Variants in MROH1 observed in about 807,000 individuals in gnomAD.
MROH1 encodes the protein maestro heat-like repeat-containing protein family member 1.
In MROH1, 117 loss-of-function variants were observed where a neutral mutation model predicts 116.5. That is an observed-to-expected ratio of 1.00 (90% CI 0.86 to 1.17). The LOEUF is 1.17. Ranked by LOEUF, MROH1 falls within the 50% of genes most tolerant of loss-of-function variation. The pLI is 0.00. For synonymous variants in MROH1, 921 were observed against 583.9 expected (o/e 1.58, Z -8.32); for missense variants, 1,873 against 1,338.5 (o/e 1.40, Z -6.23).
chr8:144,241,621 C>G, intron 22 of MROH1, 104 bp downstream of exon 22: 1 of 762,416 alleles, frequency 1.3e-6, no homozygotes, highest in Non-Finnish European at 2.4e-6. Context: ...CTGGTTGCGT[C>G]CCTGGACCAA....
intron 12 of MROH1, among the ~76,000 whole-genome samples, chr8:144,215,554 A>G (rs968809466): frequency 6.6e-6 from 1 of 152,222 alleles, no homozygotes; most frequent in Non-Finnish European, 1.5e-5. Flanking sequence ...CCTCAGCTGC[A>G]TCTGAGGTTT....
chr8:144,172,162 G>A (rs1822604401), intron 4 of MROH1, among the ~76,000 whole-genome samples: 1 of 152,162 alleles, frequency 6.6e-6, no homozygotes, highest in Non-Finnish European at 1.5e-5. Flanking sequence ...ACCATATTTT[G>A]TGGAGGAAAA....
chr8:144,203,484 A>G (rs1295882262), intron 12 of MROH1, among the ~76,000 whole-genome samples: 1 of 139,334 alleles, frequency 7.2e-6, no homozygotes, highest in Non-Finnish European at 1.5e-5. Flanking sequence ...AGCGCAGGCT[A>G]TCTGTTGAGG....
chr8:144,219,743 G>C (rs1181727295), intron 12 of MROH1, among the ~76,000 whole-genome samples: 1 of 152,190 alleles, frequency 6.6e-6, no homozygotes, highest in African/African-American at 2.4e-5. Context: ...TTAATTAGGG[G>C]AACATTGGCA....
intron 12 of MROH1, among the ~76,000 whole-genome samples, chr8:144,212,053 T>C (rs1458027179): frequency 6.9e-6 from 1 of 144,808 alleles, no homozygotes; most frequent in African/African-American, 2.6e-5. Flanking sequence ...CCTGGTTCCT[T>C]TTAGTGAGAA....
At chr8:144,158,084 CT>C (rs1818621525) in intron 1 of MROH1, among the ~76,000 whole-genome samples, 2 of 150,588 alleles carry the variant, frequency 1.3e-5, no homozygotes, top group Non-Finnish European at 1.5e-5. Flanking sequence ...ACTCCGCCCC[CT>C]GGGTTCAAGC....
At chr8:144,161,888 C>T (rs1026374036) in intron 2 of MROH1, among the ~76,000 whole-genome samples, 6 of 152,082 alleles carry the variant, frequency 3.9e-5, no homozygotes, top group African/African-American at 7.2e-5. Context: ...CCAGCTTCTC[C>T]GCCTCCCAGC....
rs1000394371 is a variant in MROH1 at position 144,241,966 on chromosome 8, C to A, written c.2179-403C>A. ...CCAGTTACAGCATCTCAGGGCTGGA[C>A]CAAGCATGCAGGGCTTCCCAGCCCT... On this transcript the variant is annotated intron_variant, in intron 22 of 43. Transcript: ENST00000326134. Among the ~76,000 whole-genome samples, 1,418 of 152,350 alleles carry A rather than the reference C, an allele frequency of 9.3e-3. 16 individuals are homozygous for A. The highest frequency in any genetic ancestry group is 0.032 in the African/African-American group (1,347 of 41,584).
chr8:144,166,857 A>G (rs757616525), intron 3 of MROH1, among the ~76,000 whole-genome samples: 6 of 152,204 alleles, frequency 3.9e-5, no homozygotes, highest in Non-Finnish European at 5.9e-5. Context: ...GGAAAAGCAG[A>G]TGCAGACCCA....
At chr8:144,188,748 G>T (rs928813378) in intron 7 of MROH1, among the ~76,000 whole-genome samples, 3 of 152,090 alleles carry the variant, frequency 2.0e-5, no homozygotes, top group Non-Finnish European at 2.9e-5. Flanking sequence ...TTACAGGCAT[G>T]AGCCACTGCG....
At chr8:144,153,863 C>T (rs974936231) in intron 1 of MROH1, among the ~76,000 whole-genome samples, 3 of 152,080 alleles carry the variant, frequency 2.0e-5, no homozygotes, top group East Asian at 3.9e-4. Flanking sequence ...TGGGTTCAAG[C>T]GGTTCTTCTC....
intron 29 of MROH1, 58 bp from the exon 30 acceptor site, chr8:144,247,243 C>A (rs1350028562): frequency 1.3e-6 from 1 of 743,724 alleles, no homozygotes; most frequent in African/African-American, 1.7e-5. Flanking sequence ...GTACAGGTGG[C>A]ATAGGTGGCA....
chr8:144,233,461 C>T (rs62532272), intron 14 of MROH1, among the ~76,000 whole-genome samples: 8 of 140,668 alleles, frequency 5.7e-5, no homozygotes, highest in Non-Finnish European at 7.9e-5. Context: ...TGCACCCCAC[C>T]ATCCACCTTC....
chr8:144,173,431 T>A (rs58244186), intron 4 of MROH1, among the ~76,000 whole-genome samples: 142,599 of 147,888 alleles, frequency 0.96, 68,924 homozygotes, highest in South Asian at 1. Flanking sequence ...TTATTTTATT[T>A]TTTTTTTTTT....
At position 144,261,829 on chromosome 8, in the gene MROH1, C is replaced by T. The variant is rs957752241; in HGVS notation, c.*89C>T. The stretch of plus-strand genomic sequence containing the variant: ...GGCCTCCTGAGGACCACAGCCTGGG[C>T]ACACGACTGGAGGGGCCTGGCCCCA... On this transcript the variant is annotated 3_prime_UTR_variant, in exon 44 of 44. Transcript: ENST00000326134. The T allele has an allele frequency of 2.2e-4, 153 of 699,914 alleles. 2 individuals carry two copies. Among genetic ancestry groups the T allele is most frequent in the South Asian group, 2.2e-3 (145 of 67,286 alleles). 43.4% of individuals were successfully genotyped at this position (699,914 alleles called of 1,614,324 possible).
chr8:144,170,848 A>G (rs1822254851), intron 4 of MROH1, among the ~76,000 whole-genome samples: 1 of 152,254 alleles, frequency 6.6e-6, no homozygotes, highest in South Asian at 2.1e-4. Context: ...TCTGCACAGG[A>G]CAGACAGACT....
At chr8:144,256,820 T>G (rs2129748640) in intron 35 of MROH1, among the ~76,000 whole-genome samples, 1 of 152,356 alleles carries the variant, frequency 6.6e-6, no homozygotes, top group East Asian at 1.9e-4. Context: ...AACACACGCT[T>G]CCCGTTAGAT....
intron 32 of MROH1, among the ~76,000 whole-genome samples, chr8:144,249,785 G>A (rs912215059): frequency 2.8e-4 from 42 of 152,286 alleles, no homozygotes; most frequent in African/African-American, 8.7e-4. Context: ...TTCCCGCCAC[G>A]TCCCCAGCCC....
intron 8 of MROH1, 53 bp downstream of exon 8, chr8:144,190,988 CCA>C: frequency 6.4e-7 from 1 of 1,554,760 alleles, no homozygotes; most frequent in South Asian, 1.2e-5. Context: ...TCTCTCCTCC[CCA>C]CATTCCCTGC....
Sources: allele counts gnomAD v4.1 joint callset (sites outside exome capture counted in the v4.1 genomes callset), GRCh38; gene constraint gnomAD v4.1.1; transcripts MANE v1.5; gene names NCBI Gene and HGNC (gene_info 2026-07-23, HGNC 2026-07-21).